The following SLIT1 variants were observed in gnomAD, a reference collection of about 807,000 sequenced individuals.
SLIT1 encodes slit homolog 1 protein.
In SLIT1, 66 loss-of-function variants were observed where a neutral mutation model predicts 186.1. That is an observed-to-expected ratio of 0.35 (90% CI 0.29 to 0.44). The LOEUF (loss-of-function observed/expected upper bound fraction) is 0.44. SLIT1 is among the 20% of genes least tolerant of loss of function. SLIT1 has a pLI of 1.00. For missense variants in SLIT1, 1,638 were observed against 2,037.4 expected, an observed-to-expected ratio of 0.80 and a Z score of 3.77; for synonymous variants, 761 against 833.8, an observed-to-expected ratio of 0.91 and a Z score of 1.50.
At chr10:97,024,852 A>T (rs1848531504) in intron 25 of SLIT1, among the ~76,000 whole-genome samples, 1 of 152,234 alleles carries the variant, frequency 6.6e-6, no homozygotes, top group African/African-American at 2.4e-5. Context: ...AAAATGCCAA[A>T]AAGATGAAAT....
rs759336606 is a variant in SLIT1 at position 97,002,190 on chromosome 10, TCA to T, written c.4332_4333del (p.Cys1444Ter). ...ACACAGCTCGCCCGAAAAGCCGGGG[TCA>T]CACACACAGTGTGCCCCCTTGGTGC... On this transcript the variant is annotated stop_gained and frameshift_variant, in exon 36 of 37. Transcript: ENST00000266058. LOFTEE classifies it high-confidence loss of function. 6 of 1,517,452 alleles carry T rather than the reference TCA, an allele frequency of 4.0e-6. No homozygotes were observed. Among genetic ancestry groups the T allele is most frequent in the East Asian group, 2.4e-5 (1 of 41,196 alleles). The allele number at this position is 1,517,452 out of a possible 1,614,324, so 94.0% of individuals were successfully genotyped here.
At chr10:97,081,945 CA>C (rs996676904) in intron 4 of SLIT1, among the ~76,000 whole-genome samples, 1 of 152,220 alleles carries the variant, frequency 6.6e-6, no homozygotes, top group African/African-American at 2.4e-5. Context: ...CTTGTCTACT[CA>C]GCTCTTCTTT....
rs186890212 is a variant in SLIT1 at position 97,177,727 on chromosome 10, G to T, written c.197+7751C>A. Among the ~76,000 whole-genome samples the T allele has an allele frequency of 2.0e-3, 308 of 152,302 alleles. 2 individuals are homozygous for T. The highest frequency in any genetic ancestry group is 0.017 in the Middle Eastern group (5 of 294). On this transcript the variant is annotated intron_variant, in intron 1 of 36. Coordinates refer to ENST00000266058, the MANE Select transcript of SLIT1 (RefSeq NM_003061.3). ...GCGGTGGCTCACGCCTGTAATCCCA[G>T]AACTTTGGGAGGCTGAGGCGGGTGG...
chr10:97,034,070 G>A (rs559695054), intron 23 of SLIT1, among the ~76,000 whole-genome samples: 1 of 152,144 alleles, frequency 6.6e-6, no homozygotes, highest in South Asian at 2.1e-4. Context: ...TCACCATGTT[G>A]GTCAGGGTGG....
chr10:97,059,994 G>C (rs1236368003), intron 10 of SLIT1, 93 bp downstream of exon 10: 1 of 1,074,136 alleles, frequency 9.3e-7, no homozygotes, highest in Non-Finnish European at 1.4e-6. Context: ...AGCTGTGGGG[G>C]GCTGAGTTAG....
chr10:97,155,355 T>C (rs11189016), intron 4 of SLIT1: 10,599 of 152,354 alleles, frequency 0.07, 795 homozygotes, highest in African/African-American at 0.19. Context: ...GTTGTCATTT[T>C]CCTCAGGAAG....
intron 23 of SLIT1, among the ~76,000 whole-genome samples, chr10:97,033,896 G>A (rs928893835): frequency 2.2e-5 from 3 of 134,636 alleles, no homozygotes; most frequent in Non-Finnish European, 3.1e-5. Flanking sequence ...ACAGAGTCTC[G>A]CTCTATCACC....
In SLIT1 at chr10:97,043,564, A is replaced by T. The variant is rs923749029; in HGVS notation, c.1854-51T>A. Reference sequence around the variant, plus strand: ...GGGGACCCTTGCTGCCCTGCCAGCCATCCACCTGGGCCACGCAGCTTCCGC... The same window carrying T: ...GGGGACCCTTGCTGCCCTGCCAGCCTTCCACCTGGGCCACGCAGCTTCCGC... On this transcript the variant is annotated intron_variant, in intron 18 of 36. Coordinates refer to ENST00000266058, the MANE Select transcript of SLIT1 (RefSeq NM_003061.3). This position sits in a 1 kb window ranked among gnomAD's most constrained non-coding sequence, Gnocchi z 7.0. 1 of 1,563,594 alleles carries T rather than the reference A, an allele frequency of 6.4e-7. No individual in the cohort carries two copies. Among genetic ancestry groups the T allele is most frequent in the Non-Finnish European group, 8.8e-7 (1 of 1,141,902 alleles).
chr10:97,121,409 T>C (rs1439754927), intron 4 of SLIT1, among the ~76,000 whole-genome samples: 1 of 152,132 alleles, frequency 6.6e-6, no homozygotes, highest in Non-Finnish European at 1.5e-5. Context: ...CCCACCAGCT[T>C]TCCCTTCTTA....
At chr10:97,033,450 C>T (rs1040761212) in intron 23 of SLIT1, among the ~76,000 whole-genome samples, 1 of 151,942 alleles carries the variant, frequency 6.6e-6, no homozygotes, top group Non-Finnish European at 1.5e-5. Context: ...TAGAATATGG[C>T]CACAAAAAAT....
rs548422321 is a variant in SLIT1, at chr10:97,052,108, T to G, written c.1302-2990A>C. The stretch of plus-strand genomic sequence containing the variant: ...TGATTCGGTTTTTTTTTGTTTGTTT[T>G]TTTTTTTTTTGGAGTCGGTCTCAGG... On this transcript the variant is annotated intron_variant, in intron 13 of 36. Coordinates refer to ENST00000266058, the MANE Select transcript of SLIT1 (RefSeq NM_003061.3). 5.3e-3 allele frequency among the ~76,000 whole-genome samples: 800 copies of G among 149,570 alleles called. 5 individuals are homozygous for G. Among genetic ancestry groups the G allele is most frequent in the African/African-American group, 0.018 (755 of 41,152 alleles).
In SLIT1 at chr10:97,013,772, CCT is replaced by C; in HGVS notation, c.3170_3171del (p.Glu1057GlyfsTer13). 1 of 1,551,634 alleles carries C rather than the reference CCT, an allele frequency of 6.4e-7. No homozygotes were observed. Among genetic ancestry groups the C allele is most frequent in the Non-Finnish European group, 8.7e-7 (1 of 1,146,984 alleles). ...CCATCCGGGGTGCCCACACACTGGGCCTCGTGTTGACATGGGTTCAGATCCGG... is the reference window on the plus strand; with the variant it reads ...CCATCCGGGGTGCCCACACACTGGGCCGTGTTGACATGGGTTCAGATCCGG... ...CSPDLNPCQH[E>X]AQCVGTPDGP... On this transcript the variant is annotated frameshift_variant, in exon 30 of 37. Transcript: ENST00000266058. LOFTEE classifies it high-confidence loss of function.
In SLIT1 at chr10:97,057,246, C is replaced by A. The variant is rs143868163; in HGVS notation, c.1121G>T (p.Arg374Leu). The A allele has an allele frequency of 6.2e-7, 1 of 1,613,934 alleles. No individual in the cohort carries two copies. The highest frequency in any genetic ancestry group is 8.5e-7 in the Non-Finnish European group (1 of 1,179,932). The change falls in exon 12 of 37, where the codon CGT becomes CTT. Residue 374 changes from arginine (R) to leucine (L), a missense_variant. By Grantham distance (102) the Arg-to-Leu change is moderately radical. Transcript: ENST00000266058. ...GGTGTATAGGCCTCCAAACACACCACGGGGGAGGTCTGTGATCTTGTTTCC... is the reference window on the plus strand; with the variant it reads ...GGTGTATAGGCCTCCAAACACACCAAGGGGGAGGTCTGTGATCTTGTTTCC... ...LYGNKITDLP[R>L]GVFGGLYTLQ...
intron 1 of SLIT1, among the ~76,000 whole-genome samples, chr10:97,180,036 C>A (rs77416527): frequency 6.6e-6 from 1 of 152,302 alleles, no homozygotes; most frequent in Admixed American, 6.5e-5. Flanking sequence ...AGCACGGCCG[C>A]CCCTGCTGGC....
intron 11 of SLIT1, 140 bp downstream of exon 11, chr10:97,059,320 C>T: frequency 1.4e-6 from 1 of 691,340 alleles, no homozygotes; most frequent in South Asian, 1.7e-5. Flanking sequence ...GGATGACCCA[C>T]TGAGGCTGGG....
intron 4 of SLIT1, among the ~76,000 whole-genome samples, chr10:97,156,647 G>A (rs1353971496): frequency 3.3e-5 from 5 of 152,182 alleles, no homozygotes; most frequent in African/African-American, 1.2e-4. Context: ...CTTACAGAGA[G>A]GTCTAGAAAT....
intron 4 of SLIT1, chr10:97,157,224 A>G (rs1198723166): frequency 6.6e-6 from 1 of 152,272 alleles, no homozygotes; most frequent in African/African-American, 2.4e-5. Flanking sequence ...GTCCAACCCA[A>G]TTCCCATAAA....
Position 97,154,212 on chromosome 10 carries a change from T to A in SLIT1, c.413+3606A>T, listed in dbSNP as rs1276215720. 3.9e-5 allele frequency: 6 copies of A among 152,158 alleles called. No individual in the cohort carries two copies. In the East Asian group the frequency reaches 1.2e-3, roughly 29 times the overall value. 9.4% of individuals were successfully genotyped at this position (152,158 alleles called of 1,614,324 possible). ...TCCTTCCCTATAACCATCTCCAAGG[T>A]GAAGAACCCGGTAAGCCCAGACACC... On this transcript the variant is annotated intron_variant, in intron 4 of 36. Coordinates refer to ENST00000266058, the MANE Select transcript of SLIT1 (RefSeq NM_003061.3).
At chr10:97,064,131 T>G in intron 7 of SLIT1, 37 bp downstream of exon 7, 2 of 1,562,372 alleles carry the variant, frequency 1.3e-6, no homozygotes, top group Non-Finnish European at 1.8e-6. Flanking sequence ...TCAACCGGGC[T>G]TGGCTGCCCC....
Sources: gnomAD v4.1 joint callset for allele counts (sites outside exome capture counted in the v4.1 genomes callset) on GRCh38, gnomAD v4.1.1 for gene constraint, Gnocchi (gnomAD v3.1) non-coding constraint, MANE v1.5 for transcripts, NCBI Gene and HGNC (gene_info 2026-07-23, HGNC 2026-07-21) for gene names.